COL5A2: variants seen among roughly 807,000 people sequenced by gnomAD.
COL5A2 encodes the protein collagen type V alpha 2 chain.
A neutral mutation model predicts 208.2 loss-of-function variants in COL5A2; 23 were observed. The ratio of observed to expected loss-of-function variants is 0.11; its 90% CI spans 0.08 to 0.16. The LOEUF is 0.16. Among genes scored for constraint, COL5A2 ranks in the 10% least tolerant of loss-of-function variants. The pLI is 1.00. For synonymous variants in COL5A2, 625 were observed against 628.5 expected, an observed-to-expected ratio of 0.99 and a Z score of 0.08; for missense variants, 1,590 against 1,956.4, an observed-to-expected ratio of 0.81 and a Z score of 3.53.
chr2:189,145,398 C>T (rs1241217238), intron 1 of COL5A2, among the ~76,000 whole-genome samples: 2 of 152,060 alleles, frequency 1.3e-5, no homozygotes, highest in African/African-American at 4.8e-5. Flanking sequence ...TACAGTAATG[C>T]AAATATACTA....
At chr2:189,321,025 G>C in the COL5A2 span, among the ~76,000 whole-genome samples, 5 of 152,168 alleles carry the variant, frequency 3.3e-5, no homozygotes, top group South Asian at 2.1e-4. Flanking sequence ...CATTCTTAAA[G>C]AAAAGAATTT....
intron 1 of COL5A2, among the ~76,000 whole-genome samples, chr2:189,157,558 A>T (rs1273257335): frequency 1.3e-5 from 2 of 152,016 alleles, no homozygotes; most frequent in African/African-American, 4.8e-5. Flanking sequence ...CTGACTGGAC[A>T]GAGTAGACTA....
chr2:189,167,476 G>T (rs1310803734), intron 1 of COL5A2, among the ~76,000 whole-genome samples: 2 of 152,060 alleles, frequency 1.3e-5, no homozygotes, highest in Admixed American at 6.5e-5. Context: ...TACTGTATAA[G>T]GAAATATTTC....
At chr2:189,344,775 G>T in the COL5A2 span, among the ~76,000 whole-genome samples, 1 of 152,204 alleles carries the variant, frequency 6.6e-6, no homozygotes, top group African/African-American at 2.4e-5. Context: ...CAGGAATGTA[G>T]TTGGGGCTGG....
intron 1 of COL5A2, among the ~76,000 whole-genome samples, chr2:189,150,027 T>G (rs1030200372): frequency 5.3e-5 from 8 of 152,192 alleles, no homozygotes; most frequent in African/African-American, 1.9e-4. Context: ...CTCTGTGAAG[T>G]GTATTTTATG....
At chr2:189,360,119 A>G in the COL5A2 span, among the ~76,000 whole-genome samples, 3 of 151,338 alleles carry the variant, frequency 2.0e-5, no homozygotes, top group Non-Finnish European at 2.9e-5. Flanking sequence ...TTACTTTTCT[A>G]TTTGCTTGAG....
upstream of COL5A2, chr2:189,179,912 C>T (rs1688751683): frequency 7.3e-6 from 4 of 548,456 alleles, no homozygotes; most frequent in African/African-American, 3.8e-5. Flanking sequence ...TCAGAACACG[C>T]GTCTCTGTGC....
At chr2:189,295,339 C>T in the COL5A2 span, among the ~76,000 whole-genome samples, 1 of 152,220 alleles carries the variant, frequency 6.6e-6, no homozygotes, top group Non-Finnish European at 1.5e-5. Flanking sequence ...GACTGTGGCT[C>T]AAGCCTGTAA....
At chr2:189,219,766 T>C (rs908793563) in intron 1 of COL5A2, among the ~76,000 whole-genome samples, 2 of 152,138 alleles carry the variant, frequency 1.3e-5, no homozygotes, top group Non-Finnish European at 2.9e-5. Flanking sequence ...ATAAGCTGTG[T>C]ACTAGGTTTG....
intron 1 of COL5A2, among the ~76,000 whole-genome samples, chr2:189,126,668 A>G (rs1008660254): frequency 6.6e-5 from 10 of 152,124 alleles, no homozygotes; most frequent in Admixed American, 2.6e-4. Context: ...ATTCCAAACC[A>G]AGGGACTAAT....
intron 1 of COL5A2, among the ~76,000 whole-genome samples, chr2:189,217,931 A>C (rs552010520): frequency 2.2e-4 from 33 of 152,240 alleles, no homozygotes; most frequent in Admixed American, 5.2e-4. Flanking sequence ...TCCTTCAACA[A>C]AGAGCTGCTA....
intron 1 of COL5A2, among the ~76,000 whole-genome samples, chr2:189,222,230 A>T (rs1416701707): frequency 3.3e-5 from 5 of 152,144 alleles, no homozygotes; most frequent in Non-Finnish European, 5.9e-5. Flanking sequence ...GTACATCAGA[A>T]TTATCTGAGA....
Position 189,050,687 on chromosome 2 carries a change from G to A in COL5A2, c.2932-11C>T, listed in dbSNP as rs1158417509. 5 of 1,547,836 alleles carry A rather than the reference G, an allele frequency of 3.2e-6. No individual in the cohort carries two copies. The highest frequency in any genetic ancestry group is 4.4e-6 in the Non-Finnish European group (5 of 1,143,910). On this transcript the variant is annotated splice_polypyrimidine_tract_variant and intron_variant, in intron 42 of 53. Coordinates refer to ENST00000374866, the MANE Select transcript of COL5A2 (RefSeq NM_000393.5). ...GGGGCCATCTGGACCCTAATGTTGA[G>A]GACAAACTAAAATCAGAAACTATCC...
chr2:189,248,435 C>A, the COL5A2 span, among the ~76,000 whole-genome samples: 1 of 152,112 alleles, frequency 6.6e-6, no homozygotes, highest in African/African-American at 2.4e-5. Flanking sequence ...GTTTATTTTG[C>A]ATGTACTTTC....
chr2:189,271,950 C>G, the COL5A2 span, among the ~76,000 whole-genome samples: 2 of 152,094 alleles, frequency 1.3e-5, no homozygotes, highest in African/African-American at 4.8e-5. Flanking sequence ...CAAATCAAAA[C>G]CACAATGAGA....
chr2:189,034,079 A>G lies in COL5A2; in HGVS notation c.4491T>C (p.Cys1497=), dbSNP rs150145051. 2 of 1,613,826 alleles carry G rather than the reference A, an allele frequency of 1.2e-6. No individual in the cohort carries two copies. Among genetic ancestry groups the G allele is most frequent in the African/African-American group, 2.7e-5 (2 of 74,892 alleles). ...TGTGTCTTGGCTTACTTTACACAAAACAAACTGGCCCAATTTCAACGCCGA... is the reference window on the plus strand; with the variant it reads ...TGTGTCTTGGCTTACTTTACACAAAGCAAACTGGCCCAATTTCAACGCCGA... The part of the protein sequence containing the change: ...QEFGVEIGPV[C]FV Residue 1497 remains cysteine, a synonymous_variant, in exon 54 of 54, where the codon TGT becomes TGC. Transcript: ENST00000374866.
the COL5A2 span, among the ~76,000 whole-genome samples, chr2:189,431,929 G>C: frequency 6.6e-6 from 1 of 152,144 alleles, no homozygotes; most frequent in Non-Finnish European, 1.5e-5. Context: ...AGGAAAAAAT[G>C]TTAAGTGCAG....
the COL5A2 span, among the ~76,000 whole-genome samples, chr2:189,381,114 C>A: frequency 1.3e-5 from 2 of 151,898 alleles, no homozygotes; most frequent in Non-Finnish European, 2.9e-5. Context: ...GAGTAAAAAA[C>A]GGAAACAAAG....
chr2:189,435,271 G>T, the COL5A2 span, among the ~76,000 whole-genome samples: 7 of 152,112 alleles, frequency 4.6e-5, no homozygotes, highest in Non-Finnish European at 1.0e-4. Flanking sequence ...CATGGGCAAG[G>T]ACTTCATGAT....
Sources: gnomAD v4.1 joint callset for allele counts (sites outside exome capture counted in the v4.1 genomes callset) on GRCh38, gnomAD v4.1.1 for gene constraint, MANE v1.5 for transcripts, NCBI Gene and HGNC (gene_info 2026-07-23, HGNC 2026-07-21) for gene names.